Variants in ITGA11 observed in about 807,000 individuals in gnomAD.
ITGA11 encodes integrin alpha-11.
Under a neutral mutation model 141.9 loss-of-function variants are expected in ITGA11, and 97 were observed. That is an observed-to-expected ratio of 0.68 (90% CI 0.58 to 0.81). The LOEUF is 0.81. Ranked by LOEUF, ITGA11 falls within the 30% of genes least tolerant of loss-of-function variation. ITGA11 has a pLI of 0.00. For missense variants in ITGA11, 1,387 were observed against 1,559.2 expected (o/e 0.89, Z 1.86); for synonymous variants, 658 against 624.6 (o/e 1.05, Z -0.80).
At chr15:68,334,400 C>T (rs773854980) in intron 12 of ITGA11, among the ~76,000 whole-genome samples, 4 of 152,204 alleles carry the variant, frequency 2.6e-5, no homozygotes, top group Non-Finnish European at 4.4e-5. Context: ...AGGCCGGTCA[C>T]CTGGTCACTG....
intron 10 of ITGA11, among the ~76,000 whole-genome samples, chr15:68,347,301 C>T (rs1051916992): frequency 7.9e-5 from 12 of 152,158 alleles, no homozygotes; most frequent in Non-Finnish European, 1.6e-4. Context: ...GGCTCAGGAC[C>T]CAGCACAGAG....
intron 1 of ITGA11, among the ~76,000 whole-genome samples, chr15:68,414,624 C>A (rs978305176): frequency 6.6e-6 from 1 of 152,202 alleles, no homozygotes; most frequent in African/African-American, 2.4e-5. Context: ...GTTCCGCCTC[C>A]TCTGGACTTA....
chr15:68,413,515 C>A (rs985601686), intron 1 of ITGA11, among the ~76,000 whole-genome samples: 4 of 152,158 alleles, frequency 2.6e-5, no homozygotes, highest in Admixed American at 6.5e-5. Context: ...GTCAACAGAG[C>A]CTGAAGTGAA....
Position 68,335,756 on chromosome 15 carries a change from GGAT to G in ITGA11, c.1363_1365del (p.Ile455del). ...CTCCGGTTGTTGTGCATGGTGAACA[GGAT>G]GACCTTGCCCGTGTGGTTGAACCGG... On this transcript the variant is annotated inframe_deletion, in exon 12 of 30. Transcript: ENST00000315757. This position sits in a 1 kb window ranked among gnomAD's most constrained non-coding sequence, Gnocchi z 4.9. 1 of 1,613,914 alleles carries G rather than the reference GGAT, an allele frequency of 6.2e-7. No homozygotes were observed. Among genetic ancestry groups the G allele is most frequent in the Non-Finnish European group, 8.5e-7 (1 of 1,179,874 alleles).
rs74342023 is a variant in ITGA11, at chr15:68,401,217, T to C, written c.164+1701A>G. 3.7e-3 allele frequency among the ~76,000 whole-genome samples: 568 copies of C among 151,930 alleles called. 25 individuals are homozygous for C. The East Asian group carries it at 0.093, about 25-fold the overall frequency. ...AATGACTGATAATGTCATGAATTAG[T>C]GAAGACATGTCACAACCAGAAGGCT... is the stretch of plus-strand genomic sequence containing the variant. On this transcript the variant is annotated intron_variant, in intron 2 of 29. Transcript: ENST00000315757.
intron 5 of ITGA11, among the ~76,000 whole-genome samples, chr15:68,359,594 C>T (rs1032821697): frequency 6.6e-6 from 1 of 151,874 alleles, no homozygotes; most frequent in Non-Finnish European, 1.5e-5. Context: ...TGCAGTGAGC[C>T]AAGATCGGGC....
chr15:68,371,533 T>C (rs1286489060), intron 2 of ITGA11, among the ~76,000 whole-genome samples: 3 of 151,874 alleles, frequency 2.0e-5, no homozygotes, highest in Non-Finnish European at 4.4e-5. Flanking sequence ...GCCAACATGG[T>C]GAAACCCCCG....
Position 68,325,504 on chromosome 15 carries a change from G to A in ITGA11, c.2212-263C>T, listed in dbSNP as rs1260723200. On this transcript the variant is annotated intron_variant, in intron 17 of 29. Transcript: ENST00000315757. This position sits in a 1 kb window ranked among gnomAD's most constrained non-coding sequence, Gnocchi z 5.5. ...TTGCCAAGCTCCTGCACATCCTTCG[G>A]GGCCAGACTCCCATTGCCCGGGTAC... 1.3e-5 allele frequency among the ~76,000 whole-genome samples: 2 copies of A among 152,100 alleles called. No homozygotes were observed. Among genetic ancestry groups the A allele is most frequent in the South Asian group, 2.1e-4 (1 of 4,822 alleles).
Position 68,328,194 on chromosome 15 carries a change from CTG to C in ITGA11, c.1968_1969del (p.His656GlnfsTer43), listed in dbSNP as rs768902669. The C allele has an allele frequency of 6.2e-7, 1 of 1,613,922 alleles. No homozygotes were observed. Among genetic ancestry groups the C allele is most frequent in the East Asian group, 2.2e-5 (1 of 44,868 alleles). On this transcript the variant is annotated frameshift_variant, in exon 16 of 30. Transcript: ENST00000315757. LOFTEE classifies it high-confidence loss of function. The surrounding 1 kb of genome is among the most constrained non-coding windows in gnomAD (Gnocchi z 4.8). The stretch of plus-strand genomic sequence containing the variant: ...ATCCCTGCCACTGCGCTTGCAGTCT[CTG>C]TGGAAGATGTTGATCTTGGATGGCT...
rs773319350 is a variant in ITGA11 at position 68,369,209 on chromosome 15, G to A, written c.240C>T (p.His80=). 9.9e-6 allele frequency: 16 copies of A among 1,613,746 alleles called. No individual in the cohort carries two copies. Among genetic ancestry groups the A allele is most frequent in the Middle Eastern group, 1.6e-4 (1 of 6,084 alleles). ...CCAGGTTGAGTTTGGTGCAGTTCCCGTGGATCACTGGACACTTGTACACGT... is the reference window on the plus strand; with the variant it reads ...CCAGGTTGAGTTTGGTGCAGTTCCCATGGATCACTGGACACTTGTACACGT... The part of the protein sequence containing the change: ...TGDVYKCPVI[H]GNCTKLNLGR... Residue 80 remains histidine, a synonymous_variant, in exon 3 of 30, where the codon CAC becomes CAT. Coordinates refer to ENST00000315757, the MANE Select transcript of ITGA11 (RefSeq NM_001004439.2).
chr15:68,416,429 G>GGCA (rs1300735696), intron 1 of ITGA11, among the ~76,000 whole-genome samples: 2 of 152,136 alleles, frequency 1.3e-5, no homozygotes, highest in African/African-American at 2.4e-5. Flanking sequence ...TGAGAGCCTC[G>GGCA]GCAGTCCTTT....
At chr15:68,348,967 C>G (rs377349151) in intron 9 of ITGA11, 67 bp from the exon 10 acceptor site, 1 of 1,371,124 alleles carries the variant, frequency 7.3e-7, no homozygotes. Flanking sequence ...AGATCTGCTG[C>G]CCAACCCACA....
chr15:68,430,040 C>A (rs964617339), intron 1 of ITGA11, among the ~76,000 whole-genome samples: 1 of 152,206 alleles, frequency 6.6e-6, no homozygotes, highest in Non-Finnish European at 1.5e-5. Flanking sequence ...CCAGATTGCA[C>A]ACACGCTAGG....
intron 7 of ITGA11, among the ~76,000 whole-genome samples, chr15:68,352,096 ACAAC>A (rs75637025): frequency 0.83 from 119,581 of 144,900 alleles, 48,456 homozygotes; most frequent in Admixed American, 0.87. Context: ...AAACAAACAA[ACAAC>A]CAAACAAACA....
At chr15:68,368,243 C>T (rs556460052) in intron 3 of ITGA11, among the ~76,000 whole-genome samples, 32 of 152,328 alleles carry the variant, frequency 2.1e-4, no homozygotes, top group African/African-American at 7.5e-4. Flanking sequence ...CCCCGCTCCT[C>T]GAAGGAGGGA....
At chr15:68,371,122 C>A (rs28415078) in intron 2 of ITGA11, among the ~76,000 whole-genome samples, 36,677 of 152,100 alleles carry the variant, frequency 0.24, 5,202 homozygotes, top group African/African-American at 0.4. Flanking sequence ...GGACCCATAA[C>A]ATCTGTTTGT....
chr15:68,425,377 A>G (rs1252817334), intron 1 of ITGA11, among the ~76,000 whole-genome samples: 1 of 152,228 alleles, frequency 6.6e-6, no homozygotes, highest in African/African-American at 2.4e-5. Flanking sequence ...AGATTAAGTA[A>G]CTGGTCCTGC....
intron 2 of ITGA11, among the ~76,000 whole-genome samples, chr15:68,378,742 G>A (rs74676366): frequency 0.017 from 2,630 of 152,242 alleles, 80 homozygotes; most frequent in East Asian, 0.097. Flanking sequence ...TCATGAAGTC[G>A]GTAGATACAA....
intron 2 of ITGA11, among the ~76,000 whole-genome samples, chr15:68,398,132 G>T (rs1896367679): frequency 6.6e-6 from 1 of 151,794 alleles, no homozygotes; most frequent in Non-Finnish European, 1.5e-5. Context: ...CATAATGACA[G>T]GATCAAATTC....
Sources: allele counts gnomAD v4.1 joint callset (sites outside exome capture counted in the v4.1 genomes callset), GRCh38; gene constraint gnomAD v4.1.1; non-coding constraint Gnocchi (gnomAD v3.1); transcripts MANE v1.5; gene names NCBI Gene and HGNC (gene_info 2026-07-23, HGNC 2026-07-21).